Variants in PRMT8 observed in about 807,000 individuals in gnomAD.
PRMT8 encodes protein arginine methyltransferase 8.
A neutral mutation model predicts 47.1 loss-of-function variants in PRMT8; 7 were observed. The ratio of observed to expected loss-of-function variants is 0.15; its 90% confidence interval spans 0.08 to 0.28. PRMT8 has a LOEUF of 0.28. Ranked by LOEUF, PRMT8 falls within the 10% of genes least tolerant of loss-of-function variation. The pLI is 1.00. For synonymous variants in PRMT8, 188 were observed against 186.5 expected (o/e 1.01, Z -0.07); for missense variants, 237 against 505.4 (o/e 0.47, Z 5.09).
rs144683587 is a variant in PRMT8, at chr12:3,569,207, G to A, written c.625-270G>A. Among the ~76,000 whole-genome samples, 326 of 152,314 alleles carry A rather than the reference G, an allele frequency of 2.1e-3. 2 individuals are homozygous for A. Among genetic ancestry groups the A allele is most frequent in the African/African-American group, 7.4e-3 (308 of 41,578 alleles). ...ATCTGGGCTTCTCCAGGCCAAAGTCGTAACATCTCTCACTGCTCCTCACTG... is the reference window on the plus strand; with the variant it reads ...ATCTGGGCTTCTCCAGGCCAAAGTCATAACATCTCTCACTGCTCCTCACTG... On this transcript the variant is annotated intron_variant, in intron 5 of 9. Coordinates refer to ENST00000382622, the MANE Select transcript of PRMT8 (RefSeq NM_019854.5). This position sits in a 1 kb window ranked among gnomAD's most constrained non-coding sequence, Gnocchi z 8.2.
chr12:3,491,826 C>A, intron 1 of PRMT8, 126 bp downstream of exon 1: 1 of 949,956 alleles, frequency 1.1e-6, no homozygotes, highest in Non-Finnish European at 1.4e-6. Flanking sequence ...TTCTGCCGGC[C>A]TCCTCCTGTG....
At chr12:3,548,259 T>C (rs1290580702) in intron 2 of PRMT8, among the ~76,000 whole-genome samples, 1 of 152,084 alleles carries the variant, frequency 6.6e-6, no homozygotes, top group African/African-American at 2.4e-5. Flanking sequence ...GGAGAGTGTC[T>C]TTGTGACTTG....
At chr12:3,515,025 T>A (rs1865767742) in intron 1 of PRMT8, among the ~76,000 whole-genome samples, 1 of 151,114 alleles carries the variant, frequency 6.6e-6, no homozygotes, top group African/African-American at 2.5e-5. Context: ...CTACATGAAT[T>A]CTGTCTTTTA....
At chr12:3,465,605 T>C (rs1426861338) in intron 1 of PRMT8, among the ~76,000 whole-genome samples, 1 of 152,164 alleles carries the variant, frequency 6.6e-6, no homozygotes, top group Non-Finnish European at 1.5e-5. Flanking sequence ...GATTTGTGAC[T>C]TTATTTTGAA....
At chr12:3,388,387 A>G (rs1288029919) in intron 1 of PRMT8, among the ~76,000 whole-genome samples, 1 of 152,068 alleles carries the variant, frequency 6.6e-6, no homozygotes, top group African/African-American at 2.4e-5. Flanking sequence ...GTGTCCCATC[A>G]CTCACGATGC....
At chr12:3,435,361 C>G (rs2137070783) in intron 1 of PRMT8, among the ~76,000 whole-genome samples, 1 of 152,246 alleles carries the variant, frequency 6.6e-6, no homozygotes, top group South Asian at 2.1e-4. Flanking sequence ...CTGTTTGAGT[C>G]TCTCTGCATA....
intron 2 of PRMT8, among the ~76,000 whole-genome samples, chr12:3,547,344 AAAAT>A (rs1459334620): frequency 6.6e-6 from 1 of 152,196 alleles, no homozygotes; most frequent in Non-Finnish European, 1.5e-5. Flanking sequence ...TTCACACAGA[AAAAT>A]AAAGAAATCT....
intron 1 of PRMT8, among the ~76,000 whole-genome samples, chr12:3,525,548 A>G (rs1034917266): frequency 6.6e-6 from 1 of 152,220 alleles, no homozygotes; most frequent in Non-Finnish European, 1.5e-5. Flanking sequence ...CCTTGGGAAA[A>G]TGGTCTTTTA....
intron 4 of PRMT8, among the ~76,000 whole-genome samples, chr12:3,563,398 T>C (rs1866668379): frequency 6.6e-6 from 1 of 151,558 alleles, no homozygotes. Context: ...GGGTACTATA[T>C]TGTGGAAGCG....
chr12:3,573,411 A>C (rs1244237727), intron 6 of PRMT8, among the ~76,000 whole-genome samples: 1 of 152,220 alleles, frequency 6.6e-6, no homozygotes, highest in African/African-American at 2.4e-5. Flanking sequence ...TAGCTTCTTT[A>C]ACATACTTAG....
rs1277308314 is a variant in PRMT8, at chr12:3,538,771, C to G, written c.76-1835C>G. On this transcript the variant is annotated intron_variant, in intron 1 of 9. Coordinates refer to ENST00000382622, the MANE Select transcript of PRMT8 (RefSeq NM_019854.5). The surrounding 1 kb of genome is among the most constrained non-coding windows in gnomAD (Gnocchi z 4.6). ...AGTCTATTTTTAGCCTCCCAGAGAC[C>G]GTGACCAACATCCCAAGCTGAGAGT... The G allele has an allele frequency of 7.7e-6, 4 of 517,662 alleles. No individual in the cohort carries two copies. Among genetic ancestry groups the G allele is most frequent in the Admixed American group, 1.9e-5 (1 of 51,510 alleles). 32.1% of individuals were successfully genotyped at this position (517,662 alleles called of 1,614,324 possible). A position where few individuals can be genotyped will look rare whatever the true frequency, so the allele number is the denominator to read the frequency against.
At chr12:3,526,171 C>T (rs1865947799) in intron 1 of PRMT8, among the ~76,000 whole-genome samples, 1 of 152,078 alleles carries the variant, frequency 6.6e-6, no homozygotes, top group Non-Finnish European at 1.5e-5. Flanking sequence ...CCTCAAGGCT[C>T]ATTCATTTGT....
rs749327357 is a variant in PRMT8 at position 3,592,307 on chromosome 12, G to A, written c.1056G>A (p.Glu352=). The change falls in exon 9 of 10, where the codon GAG becomes GAA. Residue 352 remains glutamate, a synonymous_variant. Transcript: ENST00000382622. ...LEDYLTVRRG[E]EIYGTISMKP... Reference sequence around the variant, plus strand: ...ATTACCTCACTGTCCGGAGGGGGGAGGAAATCTACGGGACCATATCCATGA... The same window carrying A: ...ATTACCTCACTGTCCGGAGGGGGGAAGAAATCTACGGGACCATATCCATGA... The A allele has an allele frequency of 1.3e-6, 2 of 1,597,654 alleles. No homozygotes were observed. The highest frequency in any genetic ancestry group is 1.7e-6 in the Non-Finnish European group (2 of 1,173,570).
At chr12:3,443,115 A>T (rs190980978) in intron 1 of PRMT8, among the ~76,000 whole-genome samples, 1 of 152,320 alleles carries the variant, frequency 6.6e-6, no homozygotes, top group Non-Finnish European at 1.5e-5. Flanking sequence ...TGAATGGATG[A>T]ATGAATGAGT....
intron 1 of PRMT8, among the ~76,000 whole-genome samples, chr12:3,418,610 A>G (rs936839745): frequency 6.6e-6 from 1 of 151,978 alleles, no homozygotes; most frequent in Non-Finnish European, 1.5e-5. Context: ...CTTCAGGCCC[A>G]CTCCGTGTGT....
intron 1 of PRMT8, among the ~76,000 whole-genome samples, chr12:3,510,811 A>G (rs920868624): frequency 1.3e-5 from 2 of 152,160 alleles, no homozygotes; most frequent in Non-Finnish European, 2.9e-5. Context: ...CCACCTCGGG[A>G]GTGCACTCCA....
intron 1 of PRMT8, among the ~76,000 whole-genome samples, chr12:3,443,355 G>A (rs373482449): frequency 3.3e-5 from 5 of 151,972 alleles, no homozygotes; most frequent in African/African-American, 1.2e-4. Context: ...CCCCCAAACC[G>A]GCTTTGTCTC....
chr12:3,514,859 C>T lies in PRMT8; in HGVS notation c.75+23159C>T, dbSNP rs1453272818. ...GCTTCTGGGTTCCAGTAACTTCTCC[C>T]CTCTTGCCTCCTACATCTAGGGGTC... is the stretch of plus-strand genomic sequence containing the variant. On this transcript the variant is annotated intron_variant, in intron 1 of 9. Transcript: ENST00000382622. This position sits in a 1 kb window ranked among gnomAD's most constrained non-coding sequence, Gnocchi z 5.9. Among the ~76,000 whole-genome samples the T allele has an allele frequency of 6.6e-6, 1 of 152,188 alleles. No individual in the cohort carries two copies. Among genetic ancestry groups the T allele is most frequent in the East Asian group, 1.9e-4 (1 of 5,182 alleles).
chr12:3,584,527 TG>T (rs1867130927), intron 8 of PRMT8, among the ~76,000 whole-genome samples: 1 of 152,170 alleles, frequency 6.6e-6, no homozygotes, highest in Non-Finnish European at 1.5e-5. Context: ...TGCATGTGCC[TG>T]GCATGGTGAT....
Sources: allele counts gnomAD v4.1 joint callset (sites outside exome capture counted in the v4.1 genomes callset), GRCh38; gene constraint gnomAD v4.1.1; non-coding constraint Gnocchi (gnomAD v3.1); transcripts MANE v1.5; gene names NCBI Gene and HGNC (gene_info 2026-07-23, HGNC 2026-07-21).